LINGO2: variants seen among roughly 807,000 people sequenced by gnomAD.
LINGO2 encodes leucine rich repeat and Ig domain containing 2, also known as leucine-rich repeat and immunoglobulin-like domain-containing nogo receptor-interacting protein 2.
LINGO2 carries 14 observed loss-of-function variants against 30.6 expected under a neutral mutation model. The observed-to-expected ratio is 0.46, with a 90% CI of 0.30 to 0.72. LINGO2 has a LOEUF of 0.72. Ranked by LOEUF, LINGO2 falls within the 30% of genes least tolerant of loss-of-function variation. The pLI, the probability that LINGO2 is intolerant of heterozygous loss-of-function variation, is 0.07. For synonymous variants in LINGO2, 317 were observed against 288.5 expected (o/e 1.10, Z -1.00); for missense variants, 729 against 751.7 (o/e 0.97, Z 0.35).
the LINGO2 span, among the ~76,000 whole-genome samples, chr9:28,796,098 A>C: frequency 1.3e-5 from 2 of 151,756 alleles, no homozygotes; most frequent in African/African-American, 2.4e-5. Flanking sequence ...CAAAAAAAAA[A>C]CCTTAAAACT....
chr9:28,844,638 G>T, the LINGO2 span, among the ~76,000 whole-genome samples: 1 of 151,474 alleles, frequency 6.6e-6, no homozygotes, highest in Non-Finnish European at 1.5e-5. Flanking sequence ...AACTTACATC[G>T]CAGGGAAGTC....
chr9:28,723,497 AT>A, the LINGO2 span, among the ~76,000 whole-genome samples: 1 of 152,124 alleles, frequency 6.6e-6, no homozygotes, highest in Non-Finnish European at 1.5e-5. Context: ...GGCCCAACCT[AT>A]CCCTTAGTGG....
intron 4 of LINGO2, among the ~76,000 whole-genome samples, chr9:28,291,657 C>G (rs112148933): frequency 0.02 from 3,033 of 152,092 alleles, 104 homozygotes; most frequent in African/African-American, 0.07. Context: ...ACCATTCGAG[C>G]TGAAGCAAAT....
At chr9:28,563,485 A>C (rs1308536031) in intron 1 of LINGO2, among the ~76,000 whole-genome samples, 1 of 152,150 alleles carries the variant, frequency 6.6e-6, no homozygotes, top group Non-Finnish European at 1.5e-5. Context: ...GCAAGGAAAA[A>C]TGCAGTCCAA....
At chr9:29,018,149 A>C in the LINGO2 span, among the ~76,000 whole-genome samples, 2 of 149,488 alleles carry the variant, frequency 1.3e-5, no homozygotes, top group African/African-American at 4.9e-5. Context: ...ATATGGATGC[A>C]GTTGGAGTTC....
intron 1 of LINGO2, among the ~76,000 whole-genome samples, chr9:28,645,557 C>A (rs781143655): frequency 1.3e-5 from 2 of 151,948 alleles, no homozygotes; most frequent in Non-Finnish European, 2.9e-5. Flanking sequence ...TCTAATAGTT[C>A]AAAATCAATG....
At chr9:28,427,224 T>C (rs1823450313) in intron 2 of LINGO2, among the ~76,000 whole-genome samples, 1 of 151,888 alleles carries the variant, frequency 6.6e-6, no homozygotes, top group Admixed American at 6.6e-5. Flanking sequence ...TCTAGAGGAG[T>C]TGAAAAACAC....
chr9:28,430,647 G>A (rs10968593), intron 2 of LINGO2, among the ~76,000 whole-genome samples: 24,955 of 152,008 alleles, frequency 0.16, 2,617 homozygotes, highest in Non-Finnish European at 0.23. Flanking sequence ...TGTCTTTAAT[G>A]AATGGGTTGC....
the LINGO2 span, among the ~76,000 whole-genome samples, chr9:29,172,205 C>A: frequency 6.6e-6 from 1 of 151,660 alleles, no homozygotes; most frequent in Non-Finnish European, 1.5e-5. Flanking sequence ...GATAGTTATT[C>A]ATTTTTATTA....
At chr9:28,800,576 T>C in the LINGO2 span, among the ~76,000 whole-genome samples, 1 of 152,034 alleles carries the variant, frequency 6.6e-6, no homozygotes, top group Non-Finnish European at 1.5e-5. Flanking sequence ...AGTAGCCGTA[T>C]CATTGGCCAT....
At position 28,147,640 on chromosome 9, in the gene LINGO2, G is replaced by A. The variant is rs939473552; in HGVS notation, c.-86-135235C>T. ...ACTGGGTGCCAGCCAGCACCTGGGC[G>A]AGGTGCCAGGTGGAAGGGCTCTGGC... On this transcript the variant is annotated intron_variant, in intron 4 of 5. Transcript: ENST00000379992. The surrounding 1 kb of genome is among the most constrained non-coding windows in gnomAD (Gnocchi z 4.7). 5.3e-5 allele frequency among the ~76,000 whole-genome samples: 8 copies of A among 152,132 alleles called. No homozygotes were observed. The highest frequency in any genetic ancestry group is 1.0e-4 in the Non-Finnish European group (7 of 68,008).
At chr9:29,145,664 T>C in the LINGO2 span, among the ~76,000 whole-genome samples, 1 of 152,196 alleles carries the variant, frequency 6.6e-6, no homozygotes, top group East Asian at 1.9e-4. Flanking sequence ...AATTTAGATA[T>C]TTCAAAACCT....
the LINGO2 span, among the ~76,000 whole-genome samples, chr9:29,194,645 A>G: frequency 1.9e-4 from 29 of 152,044 alleles, no homozygotes; most frequent in Non-Finnish European, 3.7e-4. Context: ...CCTCCACCCC[A>G]CTAACTATGC....
chr9:28,709,206 T>C, the LINGO2 span, among the ~76,000 whole-genome samples: 1 of 152,104 alleles, frequency 6.6e-6, no homozygotes, highest in Non-Finnish European at 1.5e-5. Flanking sequence ...CCTATCTCTA[T>C]TATTTCTAAT....
intron 4 of LINGO2, among the ~76,000 whole-genome samples, chr9:28,051,604 G>A (rs752131011): frequency 3.3e-5 from 5 of 151,962 alleles, no homozygotes; most frequent in African/African-American, 4.8e-5. Context: ...TTTCACTTAC[G>A]ATCTCATTCA....
the LINGO2 span, among the ~76,000 whole-genome samples, chr9:29,121,381 G>A: frequency 6.6e-6 from 1 of 152,144 alleles, no homozygotes; most frequent in Admixed American, 6.6e-5. Flanking sequence ...TCAGAAAAAT[G>A]AATTAAGCAA....
intron 5 of LINGO2, among the ~76,000 whole-genome samples, chr9:27,963,917 T>A (rs1419616238): frequency 6.6e-6 from 1 of 152,038 alleles, no homozygotes; most frequent in Non-Finnish European, 1.5e-5. Flanking sequence ...GAAATCAATT[T>A]TAGTATGAGC....
intron 4 of LINGO2, among the ~76,000 whole-genome samples, chr9:28,078,383 G>A (rs189425163): frequency 3.4e-5 from 5 of 148,828 alleles, no homozygotes; most frequent in Admixed American, 3.3e-4. Context: ...AGGACAATAT[G>A]ATGATGAAAA....
chr9:28,781,635 A>G, the LINGO2 span, among the ~76,000 whole-genome samples: 2 of 152,156 alleles, frequency 1.3e-5, no homozygotes, highest in African/African-American at 2.4e-5. Flanking sequence ...TTTTATTGGC[A>G]TCATATAGTT....
Sources: gnomAD v4.1 joint callset for allele counts (sites outside exome capture counted in the v4.1 genomes callset) on GRCh38, gnomAD v4.1.1 for gene constraint, Gnocchi (gnomAD v3.1) non-coding constraint, MANE v1.5 for transcripts, NCBI Gene and HGNC (gene_info 2026-07-23, HGNC 2026-07-21) for gene names.